The following ZCCHC7 variants were observed in gnomAD, a reference collection of about 807,000 sequenced individuals.
ZCCHC7 encodes zinc finger CCHC-type containing 7.
Under a neutral mutation model 52.0 loss-of-function variants are expected in ZCCHC7, and 35 were observed. The ratio of observed to expected loss-of-function variants is 0.67; its 90% CI spans 0.51 to 0.89. ZCCHC7 has a LOEUF of 0.89. ZCCHC7 is among the 40% of genes least tolerant of loss of function. The pLI is 0.00. For missense variants in ZCCHC7, 574 were observed against 649.1 expected, an observed-to-expected ratio of 0.88 and a Z score of 1.26; for synonymous variants, 217 against 221.5, an observed-to-expected ratio of 0.98 and a Z score of 0.18.
intron 2 of ZCCHC7, among the ~76,000 whole-genome samples, chr9:37,148,261 C>A (rs1261226730): frequency 1.3e-5 from 2 of 152,006 alleles, no homozygotes; most frequent in African/African-American, 4.8e-5. Flanking sequence ...CTGGTACTTA[C>A]AAAGATGAAT....
At chr9:37,216,233 T>C (rs1212407552) in intron 2 of ZCCHC7, among the ~76,000 whole-genome samples, 1 of 152,220 alleles carries the variant, frequency 6.6e-6, no homozygotes, top group African/African-American at 2.4e-5. Context: ...CTGTATATGG[T>C]TCATATTTCT....
chr9:37,124,385 A>G (rs1842452672), intron 1 of ZCCHC7, among the ~76,000 whole-genome samples: 1 of 151,754 alleles, frequency 6.6e-6, no homozygotes, highest in Admixed American at 6.6e-5. Flanking sequence ...TTAAGCACAT[A>G]CTAGATTTAT....
At chr9:37,156,550 C>T (rs1338058566) in intron 2 of ZCCHC7, among the ~76,000 whole-genome samples, 1 of 152,054 alleles carries the variant, frequency 6.6e-6, no homozygotes, top group Non-Finnish European at 1.5e-5. Flanking sequence ...GCAGGATAGC[C>T]CAAATGGCTA....
At chr9:37,221,144 TTG>T (rs1177509940) in intron 2 of ZCCHC7, among the ~76,000 whole-genome samples, 1 of 152,198 alleles carries the variant, frequency 6.6e-6, no homozygotes, top group African/African-American at 2.4e-5. Context: ...GAGGAACAGT[TTG>T]AAGAATTTTG....
chr9:37,325,961 A>G (rs1830223684), intron 5 of ZCCHC7: 1 of 152,248 alleles, frequency 6.6e-6, no homozygotes, highest in Admixed American at 6.5e-5. Flanking sequence ...AATTGCTGCA[A>G]CACAAGAAAA....
intron 6 of ZCCHC7, among the ~76,000 whole-genome samples, chr9:37,345,769 T>G (rs979581802): frequency 6.6e-6 from 1 of 152,186 alleles, no homozygotes; most frequent in Non-Finnish European, 1.5e-5. Context: ...AGTCTTAATT[T>G]ATGAACCCCA....
intron 2 of ZCCHC7, among the ~76,000 whole-genome samples, chr9:37,178,675 G>T (rs976070426): frequency 1.3e-5 from 2 of 152,156 alleles, no homozygotes; most frequent in Non-Finnish European, 2.9e-5. Context: ...CAAAGTTCAG[G>T]TGTTGTAGCA....
At chr9:37,243,398 C>T (rs937373073) in intron 2 of ZCCHC7, among the ~76,000 whole-genome samples, 51 of 151,762 alleles carry the variant, frequency 3.4e-4, no homozygotes, top group Middle Eastern at 3.4e-3. Context: ...TGAGTATTGC[C>T]GGCTACAAGT....
At chr9:37,179,912 G>A (rs1373199702) in intron 2 of ZCCHC7, among the ~76,000 whole-genome samples, 32 of 152,202 alleles carry the variant, frequency 2.1e-4, no homozygotes, top group Admixed American at 2.1e-3. Flanking sequence ...TGAATTTTGA[G>A]TTTAGAGTCC....
chr9:37,287,575 G>A (rs1828312331), intron 2 of ZCCHC7, among the ~76,000 whole-genome samples: 1 of 152,012 alleles, frequency 6.6e-6, no homozygotes, highest in South Asian at 2.1e-4. Context: ...CGGTAACAGA[G>A]GCCAAGACTC....
At chr9:37,152,504 C>T (rs1820585518) in intron 2 of ZCCHC7, among the ~76,000 whole-genome samples, 1 of 152,088 alleles carries the variant, frequency 6.6e-6, no homozygotes, top group Non-Finnish European at 1.5e-5. Flanking sequence ...GTTGTCATGT[C>T]TCCTTAGGCT....
At chr9:37,310,940 G>A (rs919898206) in intron 5 of ZCCHC7, among the ~76,000 whole-genome samples, 2 of 139,830 alleles carry the variant, frequency 1.4e-5, no homozygotes, top group African/African-American at 5.5e-5. Context: ...CTGGGTGACA[G>A]TGTAAGACTC....
In ZCCHC7 at chr9:37,354,635, A is replaced by T. The variant is rs1821585172; in HGVS notation, c.1084-75A>T. Reference sequence around the variant, plus strand: ...GACATGGGGCTCATTTCTAATTAACATGCTCCAGAATCTTGCAAAAAGGTT... The same window carrying T: ...GACATGGGGCTCATTTCTAATTAACTTGCTCCAGAATCTTGCAAAAAGGTT... On this transcript the variant is annotated intron_variant, in intron 7 of 8. Transcript: ENST00000336755. The surrounding 1 kb of genome is among the most constrained non-coding windows in gnomAD (Gnocchi z 4.0). 9.7e-7 allele frequency: 1 copy of T among 1,029,734 alleles called. No homozygotes were observed. Among genetic ancestry groups the T allele is most frequent in the African/African-American group, 1.6e-5 (1 of 62,572 alleles). 63.8% of individuals were successfully genotyped at this position (1,029,734 alleles called of 1,614,324 possible).
At chr9:37,184,662 C>T (rs1822553614) in intron 2 of ZCCHC7, among the ~76,000 whole-genome samples, 1 of 151,484 alleles carries the variant, frequency 6.6e-6, no homozygotes, top group Non-Finnish European at 1.5e-5. Flanking sequence ...ATTTTATTAC[C>T]CAAGTTTTAA....
intron 2 of ZCCHC7, among the ~76,000 whole-genome samples, chr9:37,257,257 C>T (rs1323389283): frequency 2.0e-5 from 3 of 152,062 alleles, no homozygotes; most frequent in Admixed American, 2.0e-4. Context: ...CTTTGTTTCT[C>T]CTAGTAGAGA....
At chr9:37,198,812 T>A (rs1823429448) in intron 2 of ZCCHC7, among the ~76,000 whole-genome samples, 1 of 152,154 alleles carries the variant, frequency 6.6e-6, no homozygotes, top group African/African-American at 2.4e-5. Flanking sequence ...AAACCTGGGT[T>A]TGGTTAGATA....
chr9:37,244,311 C>T (rs1825994952), intron 2 of ZCCHC7, among the ~76,000 whole-genome samples: 1 of 150,062 alleles, frequency 6.7e-6, no homozygotes, highest in Non-Finnish European at 1.5e-5. Flanking sequence ...TAAATAGAAA[C>T]ATTTTTTATT....
Position 37,205,321 on chromosome 9 carries a change from T to G in ZCCHC7, c.610+78379T>G, listed in dbSNP as rs1823846650. 4 of 175,396 alleles carry G rather than the reference T, an allele frequency of 2.3e-5. No individual in the cohort carries two copies. In the South Asian group the frequency reaches 5.2e-4, roughly 23 times the overall value. 10.9% of individuals were successfully genotyped at this position (175,396 alleles called of 1,614,324 possible). On this transcript the variant is annotated intron_variant, in intron 2 of 8. Transcript: ENST00000336755. ...GTATCACCTTTCTTGTAGCTTCACGTGTATGTGGCCAAAAGAACAACTCTT... is the reference window on the plus strand; with the variant it reads ...GTATCACCTTTCTTGTAGCTTCACGGGTATGTGGCCAAAAGAACAACTCTT...
At chr9:37,133,098 C>T (rs1238300123) in intron 2 of ZCCHC7, among the ~76,000 whole-genome samples, 1 of 152,146 alleles carries the variant, frequency 6.6e-6, no homozygotes, top group African/African-American at 2.4e-5. Context: ...CGTGCCACTG[C>T]ATTCTAGCCT....
Sources: gnomAD v4.1 joint callset for allele counts (sites outside exome capture counted in the v4.1 genomes callset) on GRCh38, gnomAD v4.1.1 for gene constraint, Gnocchi (gnomAD v3.1) non-coding constraint, MANE v1.5 for transcripts, NCBI Gene and HGNC (gene_info 2026-07-23, HGNC 2026-07-21) for gene names.